The following NPAT variants were observed in gnomAD, a reference collection of about 807,000 sequenced individuals.
NPAT encodes nuclear protein, coactivator of histone transcription.
In NPAT, 52 loss-of-function variants were observed where a neutral mutation model predicts 130.7. The observed-to-expected ratio is 0.40, with a 90% CI of 0.32 to 0.50. NPAT has a LOEUF of 0.50. NPAT is among the 20% of genes least tolerant of loss of function. NPAT has a pLI of 0.68. For synonymous variants in NPAT, 580 were observed against 584.8 expected (o/e 0.99, Z 0.12); for missense variants, 1,687 against 1,662.6 (o/e 1.01, Z -0.26).
Position 108,172,475 on chromosome 11 carries a change from C to G in NPAT, c.2509G>C (p.Ala837Pro). The G allele has an allele frequency of 1.9e-6, 3 of 1,614,168 alleles. No homozygotes were observed. Among genetic ancestry groups the G allele is most frequent in the Non-Finnish European group, 2.5e-6 (3 of 1,180,016 alleles). The change falls in exon 13 of 18, where the codon GCT (alanine) becomes CCT (proline). Residue 837 changes from alanine to proline, a missense_variant. By Grantham distance (27) the Ala-to-Pro change is conservative (BLOSUM62 -1). Transcript: ENST00000278612. ...TTGGAAACACATGGTGTAACATTAG[C>G]TGAAAAAGCAATGCCATCTTCATTC... is the stretch of plus-strand genomic sequence containing the variant. Reference protein sequence around the residue: ...TQNEDGIAFSANVTPCVSKDG... With the variant: ...TQNEDGIAFSPNVTPCVSKDG...
chr11:108,201,738 G>A (rs564852110), intron 1 of NPAT, among the ~76,000 whole-genome samples: 1 of 152,350 alleles, frequency 6.6e-6, no homozygotes, highest in Non-Finnish European at 1.5e-5. Flanking sequence ...GCTCTGGGTA[G>A]TGGATGACCA....
At chr11:108,213,677 A>C (rs1262565793) in intron 1 of NPAT, among the ~76,000 whole-genome samples, 2 of 152,220 alleles carry the variant, frequency 1.3e-5, no homozygotes, top group African/African-American at 4.8e-5. Context: ...AGGTAATACA[A>C]GGGGGCTGGA....
In NPAT at chr11:108,172,788, T is replaced by G; in HGVS notation, c.2196A>C (p.Ile732=). 1 of 1,613,102 alleles carries G rather than the reference T, an allele frequency of 6.2e-7. No individual in the cohort carries two copies. Among genetic ancestry groups the G allele is most frequent in the Non-Finnish European group, 8.5e-7 (1 of 1,179,400 alleles). Residue 732 remains isoleucine (I), a synonymous_variant, in exon 13 of 18, where the codon ATA becomes ATC. Coordinates refer to ENST00000278612, the MANE Select transcript of NPAT (RefSeq NM_002519.3). ...TGAGAGAGACGATATTTGATGCATC[T>G]ATCTCTGCTGAGTTGTTGCTAGAAG... The part of the protein sequence containing the change: ...DKPSSNNSAE[I]DASNIVSLKV...
intron 1 of NPAT, among the ~76,000 whole-genome samples, chr11:108,211,496 T>C (rs969696123): frequency 5.3e-5 from 8 of 151,330 alleles, no homozygotes; most frequent in Non-Finnish European, 8.8e-5. Context: ...TGAGCCATGA[T>C]TGGGCCACTG....
At chr11:108,214,605 T>C (rs1376792919) in intron 1 of NPAT, among the ~76,000 whole-genome samples, 1 of 151,732 alleles carries the variant, frequency 6.6e-6, no homozygotes, top group African/African-American at 2.4e-5. Context: ...ATGTGCATCA[T>C]ATCTCAATAA....
In NPAT at chr11:108,177,100, A is replaced by G. The variant is rs751084459; in HGVS notation, c.907-10T>C. The G allele has an allele frequency of 1.3e-6, 2 of 1,525,092 alleles. No homozygotes were observed. The highest frequency in any genetic ancestry group is 3.3e-5 in the Admixed American group (2 of 59,828). The allele number at this position is 1,525,092 out of a possible 1,614,324, so 94.5% of individuals were successfully genotyped here. A position where few individuals can be genotyped will look rare whatever the true frequency, so the allele number is the denominator to read the frequency against. ...ACATGTGAATTTCACTCTGCAAGAA[A>G]GGAGTGGCGTGAAGGCATGATTCTA... On this transcript the variant is annotated splice_polypyrimidine_tract_variant and intron_variant, in intron 10 of 17. Transcript: ENST00000278612.
intron 1 of NPAT, among the ~76,000 whole-genome samples, chr11:108,206,680 G>A (rs2078328394): frequency 1.3e-5 from 2 of 152,162 alleles, no homozygotes; most frequent in South Asian, 2.1e-4. Flanking sequence ...TGTCTGCAAC[G>A]TGGTGAGCAA....
At chr11:108,172,103 C>CTCATTAGT in intron 13 of NPAT, 96 bp downstream of exon 13, 1 of 1,008,054 alleles carries the variant, frequency 9.9e-7, no homozygotes, top group Non-Finnish European at 1.6e-6. Flanking sequence ...ATACCATCTA[C>CTCATTAGT]TCATTAGTTA....
chr11:108,161,511 T>C lies in NPAT; in HGVS notation c.3575A>G (p.Asn1192Ser). The change falls in exon 17 of 18, where the codon AAT (asparagine) becomes AGT (serine). Residue 1192 changes from asparagine to serine, a missense_variant. By Grantham distance (46) the Asn-to-Ser change is conservative. This residue lies in a region of NPAT where 1,379 missense variants were observed against 1,346.6 expected (regional missense o/e 1.02). Coordinates refer to ENST00000278612, the MANE Select transcript of NPAT (RefSeq NM_002519.3). The part of the protein sequence containing the change: ...ENSKLSIGQQ[N>S]GGLRSEKSIA... ...AGATTTCTCACTTCGCAAACCCCCA[T>C]TTTGCTGCCCAATAGATAGTTTTGA... 6.2e-7 allele frequency: 1 copy of C among 1,614,246 alleles called. No homozygotes were observed. The highest frequency in any genetic ancestry group is 8.5e-7 in the Non-Finnish European group (1 of 1,180,038).
At chr11:108,192,654 A>G (rs1245393916) in intron 3 of NPAT, among the ~76,000 whole-genome samples, 1 of 152,154 alleles carries the variant, frequency 6.6e-6, no homozygotes, top group Non-Finnish European at 1.5e-5. Flanking sequence ...TCACTGGGTT[A>G]TTCTAAAGAC....
chr11:108,176,401 T>A, intron 11 of NPAT, 27 bp from the exon 12 acceptor site: 2 of 1,464,148 alleles, frequency 1.4e-6, no homozygotes, highest in Non-Finnish European at 1.9e-6. Context: ...ATGGAAATAA[T>A]TAAATGACCA....
chr11:108,180,424 T>A (rs771836008), intron 10 of NPAT, among the ~76,000 whole-genome samples: 1 of 152,150 alleles, frequency 6.6e-6, no homozygotes, highest in African/African-American at 2.4e-5. Flanking sequence ...CAGACATTTA[T>A]CCAAAAAAGG....
Position 108,190,458 on chromosome 11 carries a change from A to G in NPAT, c.331+2T>C, listed in dbSNP as rs1184342515. On this transcript the variant is annotated splice_donor_variant, in intron 5 of 17. Coordinates refer to ENST00000278612, the MANE Select transcript of NPAT (RefSeq NM_002519.3). LOFTEE classifies it high-confidence loss of function. The stretch of plus-strand genomic sequence containing the variant: ...GAACATTGTTTAAAGTTGGATACCA[A>G]CCTCTCTGACTGCCAGCAAACCTTG... 6.2e-7 allele frequency: 1 copy of G among 1,612,896 alleles called. No individual in the cohort carries two copies. The highest frequency in any genetic ancestry group is 2.2e-5 in the East Asian group (1 of 44,868).
rs538330191 is a variant in NPAT at position 108,163,834 on chromosome 11, A to G, written c.3011-1654T>C. Among the ~76,000 whole-genome samples the G allele has an allele frequency of 5.3e-5, 8 of 152,326 alleles. No individual in the cohort carries two copies. In the South Asian group the frequency reaches 1.7e-3, roughly 32 times the overall value. ...TGGTGACTCTAGTGTAGACAGTTTC[A>G]GTAGATGCATGAGAAAAGACAGTAA... On this transcript the variant is annotated intron_variant, in intron 15 of 17. Coordinates refer to ENST00000278612, the MANE Select transcript of NPAT (RefSeq NM_002519.3).
At position 108,193,979 on chromosome 11, in the gene NPAT, C is replaced by T; in HGVS notation, c.195G>A (p.Glu65=). 1 of 1,578,182 alleles carries T rather than the reference C, an allele frequency of 6.3e-7. No homozygotes were observed. Among genetic ancestry groups the T allele is most frequent in the Non-Finnish European group, 8.7e-7 (1 of 1,148,104 alleles). ...TACCTTTTGTTTTCATAGCTACATA[C>T]TCATTTAAAATTGTTGTCAAGTTTT... is the stretch of plus-strand genomic sequence containing the variant. ...FGKNLTTILN[E]YVAMKTKETS... Residue 65 remains glutamate (E), a synonymous_variant, in exon 3 of 18, where the codon GAG becomes GAA. Transcript: ENST00000278612.
chr11:108,187,999 G>C, intron 7 of NPAT, 99 bp downstream of exon 7: 1 of 821,336 alleles, frequency 1.2e-6, no homozygotes, highest in Admixed American at 1.9e-5. Context: ...AACATAATCT[G>C]GTCCTATTAG....
At chr11:108,185,550 A>G in intron 8 of NPAT, 56 bp from the exon 9 acceptor site, 1 of 1,144,658 alleles carries the variant, frequency 8.7e-7, no homozygotes, top group South Asian at 1.3e-5. Flanking sequence ...CTGCTATTTA[A>G]TATTTATAAG....
At chr11:108,221,080 T>A in intron 1 of NPAT, among the ~76,000 whole-genome samples, 1 of 152,216 alleles carries the variant, frequency 6.6e-6, no homozygotes, top group Non-Finnish European at 1.5e-5. Context: ...TTATTTCAAT[T>A]AGAAAATGAT....
Position 108,185,612 on chromosome 11 carries a change from C to G in NPAT, c.727-118G>C, listed in dbSNP as rs2078099801. 15 of 731,912 alleles carry G rather than the reference C, an allele frequency of 2.0e-5. No individual in the cohort carries two copies. The South Asian group carries it at 2.4e-4, about 12-fold the overall frequency. 45.3% of individuals were successfully genotyped at this position (731,912 alleles called of 1,614,324 possible). A position where few individuals can be genotyped will look rare whatever the true frequency, so the allele number is the denominator to read the frequency against. ...TAGTTTTAATAAACCTAAATGGAAA[C>G]TCAGAAGTTGTGATGGCTCCCTCCA... On this transcript the variant is annotated intron_variant, in intron 8 of 17. Transcript: ENST00000278612.
Sources: allele counts gnomAD v4.1 joint callset (sites outside exome capture counted in the v4.1 genomes callset), GRCh38; gene constraint gnomAD v4.1.1; regional missense constraint gnomAD v4.1.1; transcripts MANE v1.5; gene names NCBI Gene and HGNC (gene_info 2026-07-23, HGNC 2026-07-21).